The following APMAP variants were observed in gnomAD, a reference collection of about 807,000 sequenced individuals.
APMAP encodes adipocyte plasma membrane-associated protein.
Under a neutral mutation model 43.6 loss-of-function variants are expected in APMAP, and 33 were observed. The observed-to-expected ratio is 0.76, with a 90% confidence interval of 0.57 to 1.01. The LOEUF (loss-of-function observed/expected upper bound fraction) is 1.01. APMAP is among the 50% of genes least tolerant of loss of function. The probability of loss-of-function intolerance (pLI) is 0.00; values close to 1 mark genes in which losing one functional copy is unlikely to be tolerated. For missense variants in APMAP, 498 were observed against 540.7 expected, an observed-to-expected ratio of 0.92 and a Z score of 0.78; for synonymous variants, 224 against 216.7, an observed-to-expected ratio of 1.03 and a Z score of -0.30.
chr20:24,969,204 T>G (rs2087975638), intron 7 of APMAP, 120 bp from the exon 8 acceptor site: 2 of 1,074,050 alleles, frequency 1.9e-6, no homozygotes. Flanking sequence ...TCTATGACCA[T>G]CATGAACAAA....
intron 3 of APMAP, among the ~76,000 whole-genome samples, chr20:24,975,325 T>G (rs769553312): frequency 6.6e-6 from 1 of 152,166 alleles, no homozygotes; most frequent in Non-Finnish European, 1.5e-5. Context: ...ACCAAGCAAT[T>G]ATAGCATGGT....
At chr20:24,978,463 C>A (rs2088069506) in intron 3 of APMAP, among the ~76,000 whole-genome samples, 1 of 152,226 alleles carries the variant, frequency 6.6e-6, no homozygotes, top group African/African-American at 2.4e-5. Flanking sequence ...AACTAAAAAT[C>A]AGTATCTGTA....
At position 24,969,525 on chromosome 20, in the gene APMAP, C is replaced by T; in HGVS notation, c.848+1G>A. 2 of 1,609,552 alleles carry T rather than the reference C, an allele frequency of 1.2e-6. No homozygotes were observed. The highest frequency in any genetic ancestry group is 2.2e-5 in the East Asian group (1 of 44,738). On this transcript the variant is annotated splice_donor_variant, in intron 7 of 8. Transcript: ENST00000217456. LOFTEE classifies it high-confidence loss of function. Reference sequence around the variant, plus strand: ...GATGGCTCAGCTAATCCCACACACACCTTCGTATCCTGGCCATGGTTGTTT... The same window carrying T: ...GATGGCTCAGCTAATCCCACACACATCTTCGTATCCTGGCCATGGTTGTTT...
At chr20:24,975,106 C>T (rs1230256251) in intron 3 of APMAP, among the ~76,000 whole-genome samples, 9 of 152,118 alleles carry the variant, frequency 5.9e-5, no homozygotes, top group Non-Finnish European at 1.0e-4. Context: ...AGCTTTCCTG[C>T]TAAGATCAAG....
intron 5 of APMAP, among the ~76,000 whole-genome samples, chr20:24,970,617 T>TGA (rs1412184409): frequency 6.6e-6 from 1 of 152,220 alleles, no homozygotes; most frequent in Non-Finnish European, 1.5e-5. Context: ...TAAGGCCAAC[T>TGA]GACTTGATAA....
At chr20:24,967,008 A>G (rs2087950196) in intron 8 of APMAP, among the ~76,000 whole-genome samples, 1 of 152,208 alleles carries the variant, frequency 6.6e-6, no homozygotes. Flanking sequence ...AAAGAAAAAA[A>G]TCAGGCCGGG....
chr20:24,985,240 A>G (rs1264473874), intron 1 of APMAP, among the ~76,000 whole-genome samples: 1 of 152,220 alleles, frequency 6.6e-6, no homozygotes, highest in East Asian at 1.9e-4. Flanking sequence ...CCAGTCCTGA[A>G]CATGCAAGAT....
intron 2 of APMAP, among the ~76,000 whole-genome samples, chr20:24,983,494 C>T (rs2088121441): frequency 6.6e-6 from 1 of 152,082 alleles, no homozygotes; most frequent in Admixed American, 6.5e-5. Flanking sequence ...AGATCTCTAT[C>T]GGTGAAAGGT....
chr20:24,977,860 T>C (rs1350677330), intron 3 of APMAP, among the ~76,000 whole-genome samples: 1 of 152,226 alleles, frequency 6.6e-6, no homozygotes, highest in African/African-American at 2.4e-5. Context: ...TATCATGATA[T>C]TTACTCTTCT....
chr20:24,987,119 G>A (rs1244308520), intron 1 of APMAP, among the ~76,000 whole-genome samples: 1 of 152,076 alleles, frequency 6.6e-6, no homozygotes, highest in African/African-American at 2.4e-5. Flanking sequence ...CCACTCATCT[G>A]GTTTTTTGTT....
chr20:24,987,448 T>C (rs953496594), intron 1 of APMAP, among the ~76,000 whole-genome samples: 3 of 152,086 alleles, frequency 2.0e-5, no homozygotes, highest in Admixed American at 6.5e-5. Context: ...TGCTGAACAT[T>C]TGTGTGGGAG....
intron 1 of APMAP, among the ~76,000 whole-genome samples, chr20:24,988,214 G>A (rs889154653): frequency 4.6e-5 from 7 of 152,134 alleles, no homozygotes; most frequent in South Asian, 2.1e-4. Context: ...TTGCCAAAAC[G>A]CTACTTTTTC....
At chr20:24,984,888 T>C (rs1356022529) in intron 1 of APMAP, among the ~76,000 whole-genome samples, 1 of 152,232 alleles carries the variant, frequency 6.6e-6, no homozygotes, top group Non-Finnish European at 1.5e-5. Flanking sequence ...ATTTACTAAA[T>C]GCTTGGCATT....
chr20:24,973,775 G>A, intron 3 of APMAP, 38 bp from the exon 4 acceptor site: 1 of 1,587,480 alleles, frequency 6.3e-7, no homozygotes, highest in South Asian at 1.1e-5. Context: ...AGCAATGTTA[G>A]CCTAAGAAAT....
Position 24,978,454 on chromosome 20 carries a change from A to T in APMAP, c.328+313T>A, listed in dbSNP as rs113708204. On this transcript the variant is annotated intron_variant, in intron 3 of 8. Coordinates refer to ENST00000217456, the MANE Select transcript of APMAP (RefSeq NM_020531.3). ...ATAGCTATTTAACTTTGATAAATGA[A>T]CTAAAAATCAGTATCTGTATTTGGC... 1.4e-4 allele frequency among the ~76,000 whole-genome samples: 21 copies of T among 152,362 alleles called. 1 individual carries two copies. Among genetic ancestry groups the T allele is most frequent in the African/African-American group, 5.0e-4 (21 of 41,586 alleles).
At chr20:24,978,952 T>C in intron 2 of APMAP, 70 bp from the exon 3 acceptor site, 1 of 1,239,666 alleles carries the variant, frequency 8.1e-7, no homozygotes, top group South Asian at 1.2e-5. Flanking sequence ...ACCGAGCACC[T>C]GCTCTCAGTT....
At position 24,966,834 on chromosome 20, in the gene APMAP, G is replaced by A. The variant is rs113221163; in HGVS notation, c.1041+2058C>T. Among the ~76,000 whole-genome samples, 931 of 152,232 alleles carry A rather than the reference G, an allele frequency of 6.1e-3. 15 individuals carry two copies. The highest frequency in any genetic ancestry group is 0.022 in the African/African-American group (907 of 41,532). Reference sequence around the variant, plus strand: ...ACAGGGGAGCTGTGGGCATCTCCTGGTTTCACTCAGTGGTAATGAAGGAGA... The same window carrying A: ...ACAGGGGAGCTGTGGGCATCTCCTGATTTCACTCAGTGGTAATGAAGGAGA... On this transcript the variant is annotated intron_variant, in intron 8 of 8. Transcript: ENST00000217456.
Position 24,963,737 on chromosome 20 carries a change from G to T in APMAP, c.*76C>A. The T allele has an allele frequency of 6.9e-7, 1 of 1,448,702 alleles. No homozygotes were observed. Among genetic ancestry groups the T allele is most frequent in the Non-Finnish European group, 9.6e-7 (1 of 1,043,164 alleles). The allele number at this position is 1,448,702 out of a possible 1,614,324, so 89.7% of individuals were successfully genotyped here. Reference sequence around the variant, plus strand: ...CACTTGAACCACGACTGTGTCCACAGCTCCTCCTGGACCAGGCCTGGTGCC... The same window carrying T: ...CACTTGAACCACGACTGTGTCCACATCTCCTCCTGGACCAGGCCTGGTGCC... On this transcript the variant is annotated 3_prime_UTR_variant, in exon 9 of 9. Coordinates refer to ENST00000217456, the MANE Select transcript of APMAP (RefSeq NM_020531.3).
Position 24,977,075 on chromosome 20 carries a change from G to T in APMAP, c.328+1692C>A, listed in dbSNP as rs1044732796. ...GAGCAAAGAGGATTTTCAGGGCAGT[G>T]AAAACACCCTGTAAGATACCATAAC... is the stretch of plus-strand genomic sequence containing the variant. On this transcript the variant is annotated intron_variant, in intron 3 of 8. Transcript: ENST00000217456. Among the ~76,000 whole-genome samples the T allele has an allele frequency of 5.9e-5, 9 of 152,250 alleles. 1 individual carries two copies. Among genetic ancestry groups the T allele is most frequent in the Admixed American group, 4.6e-4 (7 of 15,284 alleles).
Sources: allele counts gnomAD v4.1 joint callset (sites outside exome capture counted in the v4.1 genomes callset), GRCh38; gene constraint gnomAD v4.1.1; transcripts MANE v1.5; gene names NCBI Gene and HGNC (gene_info 2026-07-23, HGNC 2026-07-21).